TNKS1BP1: variants seen among roughly 807,000 people sequenced by gnomAD.
The protein encoded by TNKS1BP1 is CCR4-NOT transcription complex subunit 12.
In TNKS1BP1, 48 loss-of-function variants were observed where a neutral mutation model predicts 141.1. The ratio of observed to expected loss-of-function variants is 0.34; its 90% confidence interval spans 0.27 to 0.43. TNKS1BP1 has a LOEUF of 0.43. Ranked by LOEUF, TNKS1BP1 falls within the 20% of genes least tolerant of loss-of-function variation. The probability of loss-of-function intolerance (pLI) is 1.00; values close to 1 mark genes in which losing one functional copy is unlikely to be tolerated. For missense variants in TNKS1BP1, 2,149 were observed against 2,226.0 expected (o/e 0.97, Z 0.70); for synonymous variants, 875 against 898.2 (o/e 0.97, Z 0.46).
Position 57,321,877 on chromosome 11 carries a change from C to T in TNKS1BP1, c.9G>A (p.Val3=). Reference sequence around the variant, plus strand: ...TGGCTGAGCTTTCCCTGAGAGTAGACACTTTCATCACATGCGGCAGACCCT... The same window carrying T: ...TGGCTGAGCTTTCCCTGAGAGTAGATACTTTCATCACATGCGGCAGACCCT... The part of the protein sequence containing the change: MK[V]STLRESSAMA... The change falls in exon 2 of 12, where the codon GTG becomes GTA. Residue 3 remains valine, a synonymous_variant. Transcript: ENST00000358252. 1.2e-6 allele frequency: 2 copies of T among 1,614,058 alleles called. No individual in the cohort carries two copies. Among genetic ancestry groups the T allele is most frequent in the Non-Finnish European group, 8.5e-7 (1 of 1,179,976 alleles).
chr11:57,320,463 TG>T lies in TNKS1BP1; in HGVS notation c.343del (p.Gln115LysfsTer16). ...VEASTGGEAT[Q>X]ETGKEEAGKE... Reference sequence around the variant, plus strand: ...CCCAGCCTCCTCTTTCCCAGTCTCTTGGGTGGCTTCTCCTCCAGTGGAGGCC... The same window carrying T: ...CCCAGCCTCCTCTTTCCCAGTCTCTTGGTGGCTTCTCCTCCAGTGGAGGCC... On this transcript the variant is annotated frameshift_variant, in exon 3 of 12. Coordinates refer to ENST00000358252, the MANE Select transcript of TNKS1BP1 (RefSeq NM_033396.3). LOFTEE classifies it high-confidence loss of function. 6.2e-7 allele frequency: 1 copy of T among 1,608,198 alleles called. No individual in the cohort carries two copies.
At position 57,310,267 on chromosome 11, in the gene TNKS1BP1, G is replaced by T. The variant is rs763131015; in HGVS notation, c.2444C>A (p.Pro815Gln). ...SSQDQSKVSA[P>Q]GVLTAQDRVV... is the part of the protein sequence containing the mutation. ...CCGGTCCTGGGCTGTGAGCACCCCTGGGGCAGACACTTTACTCTGGTCTTG... is the reference window on the plus strand; with the variant it reads ...CCGGTCCTGGGCTGTGAGCACCCCTTGGGCAGACACTTTACTCTGGTCTTG... Residue 815 changes from proline to glutamine, a missense_variant, in exon 6 of 12, where the codon CCA becomes CAA. Coordinates refer to ENST00000358252, the MANE Select transcript of TNKS1BP1 (RefSeq NM_033396.3). 2.6e-5 allele frequency: 42 copies of T among 1,613,926 alleles called. No homozygotes were observed. The highest frequency in any genetic ancestry group is 3.4e-5 in the Non-Finnish European group (40 of 1,180,034).
chr11:57,300,732 T>G, intron 10 of TNKS1BP1, 132 bp from the exon 11 acceptor site: 1 of 1,502,878 alleles, frequency 6.7e-7, no homozygotes, highest in Non-Finnish European at 9.1e-7. Context: ...GGGACCCAAA[T>G]TCTGACACCA....
intron 4 of TNKS1BP1, among the ~76,000 whole-genome samples, chr11:57,316,938 C>A (rs959412307): frequency 6.6e-6 from 1 of 152,208 alleles, no homozygotes; most frequent in Non-Finnish European, 1.5e-5. Context: ...ATCCAACCCC[C>A]CAACCCGTTG....
intron 5 of TNKS1BP1, chr11:57,311,157 G>A (rs1211017856): frequency 5.7e-6 from 5 of 879,648 alleles, no homozygotes; most frequent in Non-Finnish European, 6.8e-6. Context: ...GGAAAGACAA[G>A]AGGGGCAGCC....
At chr11:57,301,206 C>T (rs1047783071) in intron 9 of TNKS1BP1, among the ~76,000 whole-genome samples, 165 bp from the exon 10 acceptor site, 2 of 152,122 alleles carry the variant, frequency 1.3e-5, no homozygotes, top group Non-Finnish European at 2.9e-5. Flanking sequence ...ATGCACTTCC[C>T]GCAGAACTGA....
chr11:57,309,795 G>C lies in TNKS1BP1; in HGVS notation c.2916C>G (p.Ala972=), dbSNP rs1400127513. ...GTCTCGTTCCAAAGCTTCTGTCCTG[G>C]GCGTCAAGGGTCCTGGAGCTGCCAC... The part of the protein sequence containing the change: ...SSGGSSRTLD[A]QDRSFGTRPL... The change falls in exon 6 of 12, where the codon GCC becomes GCG. Residue 972 remains alanine, a synonymous_variant. Coordinates refer to ENST00000358252, the MANE Select transcript of TNKS1BP1 (RefSeq NM_033396.3). This position sits in a 1 kb window ranked among gnomAD's most constrained non-coding sequence, Gnocchi z 4.3. The C allele has an allele frequency of 2.5e-6, 4 of 1,614,034 alleles. No individual in the cohort carries two copies. The African/African-American group carries it at 5.3e-5, about 22-fold the overall frequency.
chr11:57,300,875 G>A lies in TNKS1BP1; in HGVS notation c.5129+9C>T, dbSNP rs933107704. 1.2e-6 allele frequency: 2 copies of A among 1,611,980 alleles called. No individual in the cohort carries two copies. The highest frequency in any genetic ancestry group is 1.1e-5 in the South Asian group (1 of 90,918). On this transcript the variant is annotated intron_variant, in intron 10 of 11. Transcript: ENST00000358252. ...AGGTCAGCGGATGCCCAGAGCTTAG[G>A]TCACCTACCCTGAGGATTTCTCTGG...
In TNKS1BP1 at chr11:57,315,076, T is replaced by C. The variant is rs146495437; in HGVS notation, c.799-1187A>G. On this transcript the variant is annotated intron_variant, in intron 4 of 11. Transcript: ENST00000358252. Reference sequence around the variant, plus strand: ...ATTGTTGTGATAGCTTACAGTCATCTCCATAGCCAGATGCGACCCTTCCAG... The same window carrying C: ...ATTGTTGTGATAGCTTACAGTCATCCCCATAGCCAGATGCGACCCTTCCAG... Among the ~76,000 whole-genome samples, 1,420 of 152,250 alleles carry C rather than the reference T, an allele frequency of 9.3e-3. 10 individuals carry two copies. The highest frequency in any genetic ancestry group is 0.013 in the Non-Finnish European group (903 of 68,004).
rs754011405 is a variant in TNKS1BP1, at chr11:57,312,851, G to A, written c.1837C>T (p.Pro613Ser). 8 of 1,610,318 alleles carry A rather than the reference G, an allele frequency of 5.0e-6. No homozygotes were observed. Among genetic ancestry groups the A allele is most frequent in the Non-Finnish European group, 6.8e-6 (8 of 1,178,008 alleles). Residue 613 changes from proline to serine, a missense_variant, in exon 5 of 12, where the codon CCC becomes TCC. Physicochemically the swap from Pro to Ser is moderately conservative, Grantham distance 74. Coordinates refer to ENST00000358252, the MANE Select transcript of TNKS1BP1 (RefSeq NM_033396.3). ...LPLATREAAL[P>S]ILEPVLGQEQ... is the part of the protein sequence containing the mutation. The stretch of plus-strand genomic sequence containing the variant: ...TGCCCCAGGACTGGCTCCAGGATGG[G>A]CAAGGCTGCCTCCCTGGTAGCCAGG...
At chr11:57,301,624 A>C (rs1477605402) in intron 9 of TNKS1BP1, among the ~76,000 whole-genome samples, 183 bp downstream of exon 9, 1 of 152,186 alleles carries the variant, frequency 6.6e-6, no homozygotes, top group South Asian at 2.1e-4. Flanking sequence ...CATTTGGCAC[A>C]CAGCATAGGG....
At chr11:57,300,761 G>A in intron 10 of TNKS1BP1, 123 bp downstream of exon 10, 1 of 1,493,614 alleles carries the variant, frequency 6.7e-7, no homozygotes, top group Non-Finnish European at 9.2e-7. Flanking sequence ...CCGTTCATCT[G>A]GGGCATGTCC....
Position 57,309,063 on chromosome 11 carries a change from C to G in TNKS1BP1, c.3648G>C (p.Glu1216Asp). 1.2e-6 allele frequency: 2 copies of G among 1,614,200 alleles called. No individual in the cohort carries two copies. Among genetic ancestry groups the G allele is most frequent in the Non-Finnish European group, 8.5e-7 (1 of 1,180,036 alleles). Residue 1216 changes from glutamate (E) to aspartate (D), a missense_variant, in exon 6 of 12, where the codon GAG becomes GAC. Coordinates refer to ENST00000358252, the MANE Select transcript of TNKS1BP1 (RefSeq NM_033396.3). This position sits in a 1 kb window ranked among gnomAD's most constrained non-coding sequence, Gnocchi z 4.3. ...TCTCCCCAACTCCGATTCCCCCCGG[C>G]TCTTCAGACCCTCCACTTTCCAAAC... ...TGCLESGGSEEPGGIGVGEKD... is the reference protein window; with the variant it reads ...TGCLESGGSEDPGGIGVGEKD...
chr11:57,303,705 T>A (rs1406399333), intron 6 of TNKS1BP1, among the ~76,000 whole-genome samples: 1 of 152,190 alleles, frequency 6.6e-6, no homozygotes, highest in African/African-American at 2.4e-5. Flanking sequence ...CTGGGTCACC[T>A]TGGACCTCCA....
intron 3 of TNKS1BP1, among the ~76,000 whole-genome samples, chr11:57,319,281 G>GT (rs1255740968): frequency 3.9e-5 from 6 of 152,010 alleles, no homozygotes; most frequent in African/African-American, 1.4e-4. Context: ...TCTGACCACT[G>GT]TAAGAGCTGG....
At chr11:57,314,301 GGA>G (rs1467868282) in intron 4 of TNKS1BP1, among the ~76,000 whole-genome samples, 1 of 152,174 alleles carries the variant, frequency 6.6e-6, no homozygotes, top group African/African-American at 2.4e-5. Flanking sequence ...AGTCGTGAGG[GGA>G]GAGAGGGTTT....
At position 57,310,377 on chromosome 11, in the gene TNKS1BP1, A is replaced by G; in HGVS notation, c.2334T>C (p.Tyr778=). The G allele has an allele frequency of 6.2e-7, 1 of 1,613,978 alleles. No individual in the cohort carries two copies. The highest frequency in any genetic ancestry group is 1.3e-5 in the African/African-American group (1 of 75,012). The change falls in exon 6 of 12, where the codon TAT becomes TAC. Residue 778 remains tyrosine, a synonymous_variant. Coordinates refer to ENST00000358252, the MANE Select transcript of TNKS1BP1 (RefSeq NM_033396.3). ...TGCTCCCTTCCCCTGCTCCTTGCCC[A>G]TACTTGCTGGTCCAGTCCCTCTCTC... The part of the protein sequence containing the change: ...GLGERDWTSK[Y]GQGAGEGSTR...
At chr11:57,324,678 T>TCCCCAGCGC (rs1332140975) in intron 1 of TNKS1BP1, among the ~76,000 whole-genome samples, 162 bp downstream of exon 1, 5 of 151,314 alleles carry the variant, frequency 3.3e-5, no homozygotes, top group African/African-American at 1.2e-4. Flanking sequence ...GCCTCCAGCG[T>TCCCCAGCGC]CCCCAGCGCC....
rs775102467 is a variant in TNKS1BP1, at chr11:57,313,226, C to T, written c.1462G>A (p.Gly488Ser). The change falls in exon 5 of 12, where the codon GGC (glycine) becomes AGC (serine). Residue 488 changes from glycine (G) to serine (S), a missense_variant. Physicochemically the swap from Gly to Ser is moderately conservative, Grantham distance 56 (BLOSUM62 0). Transcript: ENST00000358252. ...GGCGGGGAGTCCAGCCGCCACACGC[C>T]CAGACCCGAGGGCCTCGTGGGGAAG... is the stretch of plus-strand genomic sequence containing the variant. ...WTFPTRPSGL[G>S]VWRLDSPPPS... is the part of the protein sequence containing the mutation. The T allele has an allele frequency of 1.2e-6, 2 of 1,612,818 alleles. No homozygotes were observed. Among genetic ancestry groups the T allele is most frequent in the South Asian group, 2.2e-5 (2 of 91,080 alleles).
Sources: allele counts gnomAD v4.1 joint callset (sites outside exome capture counted in the v4.1 genomes callset), GRCh38; gene constraint gnomAD v4.1.1; non-coding constraint Gnocchi (gnomAD v3.1); transcripts MANE v1.5; gene names NCBI Gene and HGNC (gene_info 2026-07-23, HGNC 2026-07-21).